ZNF678: variants seen among roughly 807,000 people sequenced by gnomAD.
The protein encoded by ZNF678 is hypothetical protein MGC42493.
A neutral mutation model predicts 3.0 loss-of-function variants in ZNF678; 5 were observed. The observed-to-expected ratio is 1.69, with a 90% CI of 0.88 to 3.56. ZNF678 has a LOEUF of 3.56. Among genes scored for constraint, ZNF678 ranks in the 30% most tolerant of loss-of-function variants. The pLI, the probability that ZNF678 is intolerant of heterozygous loss-of-function variation, is 0.00. For synonymous variants in ZNF678, 218 were observed against 199.6 expected (o/e 1.09, Z -0.78); for missense variants, 593 against 605.0 (o/e 0.98, Z 0.21).
intron 5 of ZNF678, among the ~76,000 whole-genome samples, chr1:227,675,200 A>G (rs1251670283): frequency 1.3e-5 from 2 of 152,114 alleles, no homozygotes; most frequent in African/African-American, 4.8e-5. Flanking sequence ...TAGTGCCCTT[A>G]TAAGAAGATG....
At chr1:227,675,519 A>G (rs1659664698) in intron 5 of ZNF678, among the ~76,000 whole-genome samples, 1 of 152,198 alleles carries the variant, frequency 6.6e-6, no homozygotes, top group Non-Finnish European at 1.5e-5. Context: ...ATTCTTTGCA[A>G]TATGTGAAAA....
chr1:227,652,601 A>G (rs1448925354), intron 3 of ZNF678, among the ~76,000 whole-genome samples: 1 of 152,132 alleles, frequency 6.6e-6, no homozygotes, highest in Non-Finnish European at 1.5e-5. Flanking sequence ...TAAAACCCCC[A>G]AAGTTACAAC....
chr1:227,625,308 G>T (rs1003478322), intron 1 of ZNF678, among the ~76,000 whole-genome samples: 1 of 152,156 alleles, frequency 6.6e-6, no homozygotes, highest in Non-Finnish European at 1.5e-5. Flanking sequence ...CCGAAGTGCT[G>T]TTGGGGAGGT....
chr1:227,593,530 G>A (rs1657475128), intron 1 of ZNF678, among the ~76,000 whole-genome samples: 1 of 152,070 alleles, frequency 6.6e-6, no homozygotes, highest in Non-Finnish European at 1.5e-5. Context: ...AAATCTCCCT[G>A]GATTAATGGT....
At chr1:227,610,765 G>A (rs1397988523) in intron 1 of ZNF678, among the ~76,000 whole-genome samples, 1 of 152,054 alleles carries the variant, frequency 6.6e-6, no homozygotes, top group African/African-American at 2.4e-5. Flanking sequence ...ACCCCCCTAA[G>A]GTGATCAACA....
chr1:227,565,027 C>T (rs2102708571), intron 1 of ZNF678, among the ~76,000 whole-genome samples: 2 of 147,482 alleles, frequency 1.4e-5, no homozygotes, highest in African/African-American at 5.0e-5. Context: ...GCCACCACGC[C>T]TGGCCTGTTG....
chr1:227,571,824 C>T (rs1471124962), intron 1 of ZNF678, among the ~76,000 whole-genome samples: 4 of 152,144 alleles, frequency 2.6e-5, no homozygotes, highest in Non-Finnish European at 5.9e-5. Flanking sequence ...AGGTGGATCA[C>T]AAGGTCAGGA....
intron 1 of ZNF678, among the ~76,000 whole-genome samples, chr1:227,619,660 G>A (rs975185919): frequency 1.3e-5 from 2 of 151,902 alleles, no homozygotes; most frequent in South Asian, 2.1e-4. Flanking sequence ...TACAGGTGCC[G>A]CCCACCACGA....
rs751248366 is a variant in ZNF678 at position 227,656,363 on chromosome 1, C to G, written c.*535C>G. ...ATTTAAATGAATCAAGAGATGATGTCTTTTTGAAGCACAGTTACATTCATG... is the reference window on the plus strand; with the variant it reads ...ATTTAAATGAATCAAGAGATGATGTGTTTTTGAAGCACAGTTACATTCATG... On this transcript the variant is annotated 3_prime_UTR_variant, in exon 4 of 4. Transcript: ENST00000343776. 1.3e-5 allele frequency: 2 copies of G among 151,682 alleles called. No homozygotes were observed. Among genetic ancestry groups the G allele is most frequent in the Non-Finnish European group, 3.0e-5 (2 of 67,782 alleles). The allele number at this position is 151,682 out of a possible 1,614,324, so 9.4% of individuals were successfully genotyped here. A position where few individuals can be genotyped will look rare whatever the true frequency, so the allele number is the denominator to read the frequency against.
At chr1:227,597,671 G>A (rs1371230499) in intron 1 of ZNF678, among the ~76,000 whole-genome samples, 2 of 152,060 alleles carry the variant, frequency 1.3e-5, no homozygotes, top group Non-Finnish European at 2.9e-5. Flanking sequence ...CTGTTTCTCT[G>A]GTTCACTCAA....
chr1:227,617,648 T>TA (rs1441547412), intron 1 of ZNF678, among the ~76,000 whole-genome samples: 3 of 152,190 alleles, frequency 2.0e-5, no homozygotes, highest in African/African-American at 7.2e-5. Flanking sequence ...TGGCCATACA[T>TA]ACTATGGCGT....
intron 1 of ZNF678, chr1:227,582,501 T>TTC (rs1233603363): frequency 6.6e-6 from 1 of 151,774 alleles, no homozygotes; most frequent in Admixed American, 6.7e-5. Flanking sequence ...TTTTTTTTTT[T>TTC]TTTTTTTTGT....
chr1:227,606,442 C>T (rs957139985), intron 1 of ZNF678, among the ~76,000 whole-genome samples: 1 of 152,226 alleles, frequency 6.6e-6, no homozygotes, highest in Non-Finnish European at 1.5e-5. Flanking sequence ...ATCTTGCCTC[C>T]AGCCACAGGG....
chr1:227,605,697 G>T (rs866636566), intron 1 of ZNF678, among the ~76,000 whole-genome samples: 1 of 151,854 alleles, frequency 6.6e-6, no homozygotes, highest in Non-Finnish European at 1.5e-5. Context: ...ATTTTATTAT[G>T]ATACATTTTA....
chr1:227,619,439 C>T lies in ZNF678; in HGVS notation c.-163-27105C>T, dbSNP rs189557816. On this transcript the variant is annotated intron_variant, in intron 1 of 3. Coordinates refer to ENST00000343776, the MANE Select transcript of ZNF678 (RefSeq NM_001367909.1). ...CTGCACTGTGGGAAATGTTGTGGGACGGAGCCTCGAACTTATGGAGTCTGT... is the reference window on the plus strand; with the variant it reads ...CTGCACTGTGGGAAATGTTGTGGGATGGAGCCTCGAACTTATGGAGTCTGT... Among the ~76,000 whole-genome samples the T allele has an allele frequency of 1.4e-4, 21 of 152,212 alleles. No individual in the cohort carries two copies. In the East Asian group the frequency reaches 2.9e-3, roughly 21 times the overall value.
intron 1 of ZNF678, among the ~76,000 whole-genome samples, chr1:227,600,974 C>G (rs954954235): frequency 6.6e-6 from 1 of 152,206 alleles, no homozygotes; most frequent in Non-Finnish European, 1.5e-5. Flanking sequence ...GGTCCCGTTT[C>G]AATCTTCTGC....
At chr1:227,636,366 C>T (rs1658679450) in intron 1 of ZNF678, among the ~76,000 whole-genome samples, 1 of 152,134 alleles carries the variant, frequency 6.6e-6, no homozygotes, top group Non-Finnish European at 1.5e-5. Context: ...CAGACTCCAC[C>T]CTCTTCTTCT....
chr1:227,568,509 G>A (rs1656755844), intron 1 of ZNF678, among the ~76,000 whole-genome samples: 2 of 152,192 alleles, frequency 1.3e-5, no homozygotes, highest in Non-Finnish European at 2.9e-5. Flanking sequence ...TCAATCACAT[G>A]CATTTACCAG....
intron 1 of ZNF678, among the ~76,000 whole-genome samples, chr1:227,587,751 G>A (rs1206462400): frequency 1.3e-5 from 2 of 151,390 alleles, no homozygotes; most frequent in African/African-American, 4.9e-5. Flanking sequence ...TCTCCTCCAT[G>A]CCTTCTTATC....
Sources: gnomAD v4.1 joint callset for allele counts (sites outside exome capture counted in the v4.1 genomes callset) on GRCh38, gnomAD v4.1.1 for gene constraint, MANE v1.5 for transcripts, NCBI Gene and HGNC (gene_info 2026-07-23, HGNC 2026-07-21) for gene names.